Variants in TBC1D15 observed in about 807,000 individuals in gnomAD.
The protein encoded by TBC1D15 is TBC1 domain family member 15, also known as GAP for RAB7.
A neutral mutation model predicts 95.4 loss-of-function variants in TBC1D15; 39 were observed. The ratio of observed to expected loss-of-function variants is 0.41; its 90% CI spans 0.32 to 0.53. TBC1D15 has a LOEUF of 0.53. Ranked by LOEUF, TBC1D15 falls within the 20% of genes least tolerant of loss-of-function variation. The pLI, the probability that TBC1D15 is intolerant of heterozygous loss-of-function variation, is 0.29. For synonymous variants in TBC1D15, 258 were observed against 261.3 expected, an observed-to-expected ratio of 0.99 and a Z score of 0.12; for missense variants, 733 against 794.3, an observed-to-expected ratio of 0.92 and a Z score of 0.93.
At chr12:71,916,433 C>G (rs775806631) in intron 12 of TBC1D15, among the ~76,000 whole-genome samples, 37 of 152,080 alleles carry the variant, frequency 2.4e-4, no homozygotes, top group Non-Finnish European at 3.8e-4. Context: ...ATAGATCTCT[C>G]TGGTAAATGT....
chr12:71,863,422 A>G (rs1010934141), intron 1 of TBC1D15, among the ~76,000 whole-genome samples: 2 of 152,122 alleles, frequency 1.3e-5, no homozygotes, highest in Non-Finnish European at 2.9e-5. Context: ...TTAATCTAAC[A>G]GGGACTTCCT....
intron 1 of TBC1D15, among the ~76,000 whole-genome samples, chr12:71,847,588 G>A (rs190401817): frequency 1.8e-4 from 27 of 151,968 alleles, no homozygotes; most frequent in African/African-American, 6.0e-4. Context: ...CCAGCTACTC[G>A]GGAGGCTGAG....
Position 71,896,793 on chromosome 12 carries a change from C to CT in TBC1D15, c.1088+16dup. 1 of 1,594,694 alleles carries CT rather than the reference C, an allele frequency of 6.3e-7. No individual in the cohort carries two copies. The highest frequency in any genetic ancestry group is 8.6e-7 in the Non-Finnish European group (1 of 1,164,456). On this transcript the variant is annotated intron_variant, in intron 9 of 16. Transcript: ENST00000485960. ...AAAAGCAAAAAACGTAAGTAATGGT[C>CT]TTTCGTACATTTATCAAAGAGATTC...
At chr12:71,864,235 A>G (rs967452553) in intron 1 of TBC1D15, among the ~76,000 whole-genome samples, 2 of 151,734 alleles carry the variant, frequency 1.3e-5, no homozygotes, top group African/African-American at 4.8e-5. Flanking sequence ...ATGCCTAGCT[A>G]ATTTTTGCAT....
chr12:71,895,129 G>A (rs551316911), intron 7 of TBC1D15, among the ~76,000 whole-genome samples: 3 of 152,082 alleles, frequency 2.0e-5, no homozygotes, highest in East Asian at 1.9e-4. Context: ...AATGAAGTTT[G>A]TTTCATTGGG....
chr12:71,874,710 C>G (rs1376492086), intron 3 of TBC1D15, among the ~76,000 whole-genome samples: 5 of 148,714 alleles, frequency 3.4e-5, no homozygotes, highest in South Asian at 4.3e-4. Flanking sequence ...GCAACCTCTA[C>G]CTCCCAGGTT....
chr12:71,879,774 A>G (rs1894762570), intron 3 of TBC1D15, among the ~76,000 whole-genome samples: 1 of 151,948 alleles, frequency 6.6e-6, no homozygotes, highest in African/African-American at 2.4e-5. Context: ...ATATTTGTCT[A>G]TTTCTAAATA....
intron 5 of TBC1D15, among the ~76,000 whole-genome samples, chr12:71,887,303 A>G (rs777983809): frequency 4.5e-5 from 6 of 132,084 alleles, no homozygotes; most frequent in Non-Finnish European, 6.5e-5. Context: ...ACTATTCTGT[A>G]TTGAAGAGAT....
chr12:71,839,846 C>T lies in TBC1D15; in HGVS notation c.30+35C>T, dbSNP rs935696156. On this transcript the variant is annotated intron_variant, in intron 1 of 16. Transcript: ENST00000485960. ...GGCCTCCAGGAAGACCTCGGCTTTT[C>T]TCTGGGACGGGGATGCTTTTGCTCC... 2.5e-6 allele frequency: 4 copies of T among 1,613,800 alleles called. No individual in the cohort carries two copies. The African/African-American group carries it at 4.0e-5, about 16-fold the overall frequency.
chr12:71,882,813 T>G lies in TBC1D15; in HGVS notation c.344-1998T>G, dbSNP rs112683364. ...TAAAGTTCCTGTTCTCATGAAGCTT[T>G]TATTCTAGTGGAGGGCCTAGAATAT... On this transcript the variant is annotated intron_variant, in intron 4 of 16. Coordinates refer to ENST00000485960, the MANE Select transcript of TBC1D15 (RefSeq NM_001146213.3). 4.9e-3 allele frequency among the ~76,000 whole-genome samples: 752 copies of G among 152,316 alleles called. 9 individuals are homozygous for G. The highest frequency in any genetic ancestry group is 7.5e-3 in the Non-Finnish European group (511 of 68,022).
At chr12:71,915,416 G>A (rs1205476162) in intron 12 of TBC1D15, among the ~76,000 whole-genome samples, 5 of 142,646 alleles carry the variant, frequency 3.5e-5, no homozygotes, top group Non-Finnish European at 7.5e-5. Context: ...TCTTTCCCCA[G>A]TGATTAGTTT....
intron 1 of TBC1D15, among the ~76,000 whole-genome samples, chr12:71,854,204 A>G (rs965111734): frequency 6.6e-5 from 10 of 152,002 alleles, no homozygotes; most frequent in African/African-American, 1.5e-4. Flanking sequence ...ACTATCCTTC[A>G]TTGTTTGCTG....
intron 14 of TBC1D15, 27 bp from the exon 15 acceptor site, chr12:71,920,704 G>A (rs368996211): frequency 6.6e-7 from 1 of 1,519,796 alleles, no homozygotes; most frequent in Non-Finnish European, 9.1e-7. Flanking sequence ...GATACAATTT[G>A]CAAAATAGTT....
chr12:71,880,291 C>CT (rs534954705), intron 3 of TBC1D15, among the ~76,000 whole-genome samples, 178 bp from the exon 4 acceptor site: 18,430 of 136,528 alleles, frequency 0.13, 1,505 homozygotes, highest in African/African-American at 0.24. Context: ...GCTTCTCTTC[C>CT]TTTTTTTTTT....
At chr12:71,867,496 T>C (rs557185450) in intron 1 of TBC1D15, among the ~76,000 whole-genome samples, 1 of 152,186 alleles carries the variant, frequency 6.6e-6, no homozygotes, top group African/African-American at 2.4e-5. Context: ...TTAAGTGAGA[T>C]CAGGGTACTT....
chr12:71,863,909 A>G (rs757346505), intron 1 of TBC1D15, among the ~76,000 whole-genome samples: 12 of 152,028 alleles, frequency 7.9e-5, no homozygotes, highest in Non-Finnish European at 8.8e-5. Flanking sequence ...TATCTCATTC[A>G]TATCATGAAT....
intron 1 of TBC1D15, among the ~76,000 whole-genome samples, chr12:71,845,009 TTGC>T (rs1206212072): frequency 2.6e-5 from 4 of 152,242 alleles, no homozygotes; most frequent in African/African-American, 9.6e-5. Flanking sequence ...GGGCAGGCTA[TTGC>T]TTATGTTCTT....
Position 71,917,757 on chromosome 12 carries a change from C to G in TBC1D15, c.1461C>G (p.Thr487=). 6.2e-7 allele frequency: 1 copy of G among 1,612,864 alleles called. No homozygotes were observed. The highest frequency in any genetic ancestry group is 2.2e-5 in the East Asian group (1 of 44,838). Residue 487 remains threonine (T), a synonymous_variant, in exon 13 of 17, where the codon ACC becomes ACG. Coordinates refer to ENST00000485960, the MANE Select transcript of TBC1D15 (RefSeq NM_001146213.3). ...GMKTQLIQLS[T]LLRLLDSGFC... is the part of the protein sequence containing the mutation. ...AGACCCAGCTAATTCAGCTGAGTACCTTACTTCGATTGTTAGACAGTGGAT... is the reference window on the plus strand; with the variant it reads ...AGACCCAGCTAATTCAGCTGAGTACGTTACTTCGATTGTTAGACAGTGGAT...
At chr12:71,892,490 A>C (rs1307860397) in intron 5 of TBC1D15, among the ~76,000 whole-genome samples, 2 of 152,032 alleles carry the variant, frequency 1.3e-5, no homozygotes, top group Non-Finnish European at 2.9e-5. Flanking sequence ...TAGAAAAAAG[A>C]CTGGATAATT....
Sources: allele counts gnomAD v4.1 joint callset (sites outside exome capture counted in the v4.1 genomes callset), GRCh38; gene constraint gnomAD v4.1.1; transcripts MANE v1.5; gene names NCBI Gene and HGNC (gene_info 2026-07-23, HGNC 2026-07-21).